Variants in FREM2 observed in about 807,000 individuals in gnomAD.
The protein encoded by FREM2 is FRAS1 related extracellular matrix 2.
A neutral mutation model predicts 219.9 loss-of-function variants in FREM2; 119 were observed. The observed-to-expected ratio is 0.54, with a 90% CI of 0.47 to 0.63. The LOEUF (loss-of-function observed/expected upper bound fraction) is 0.63. Among genes scored for constraint, FREM2 ranks in the 30% least tolerant of loss-of-function variants. The pLI is 0.00. For missense variants in FREM2, 4,030 were observed against 3,993.6 expected, an observed-to-expected ratio of 1.01 and a Z score of -0.25; for synonymous variants, 1,562 against 1,522.8, an observed-to-expected ratio of 1.03 and a Z score of -0.60.
At chr13:38,716,068 T>C (rs1296797436) in intron 2 of FREM2, among the ~76,000 whole-genome samples, 2 of 152,276 alleles carry the variant, frequency 1.3e-5, no homozygotes, top group South Asian at 2.1e-4. Context: ...TTTAAAATAG[T>C]TAAAGGGAAC....
At chr13:38,796,009 T>G (rs1043274604) in intron 6 of FREM2, among the ~76,000 whole-genome samples, 1 of 151,534 alleles carries the variant, frequency 6.6e-6, no homozygotes, top group Admixed American at 6.6e-5. Context: ...TTTCTTTCTT[T>G]CTTTCTTTTT....
rs1485235437 is a variant in FREM2, at chr13:38,885,761, A to G, written c.*4974A>G. 2.0e-5 allele frequency: 3 copies of G among 152,186 alleles called. No homozygotes were observed. The highest frequency in any genetic ancestry group is 7.2e-5 in the African/African-American group (3 of 41,458). 9.4% of individuals were successfully genotyped at this position (152,186 alleles called of 1,614,324 possible). A position where few individuals can be genotyped will look rare whatever the true frequency, so the allele number is the denominator to read the frequency against. ...TCATACTAAATAAAATGATGACAAT[A>G]TGTGCCTTGATTTTTCTCTCAATGG... On this transcript the variant is annotated 3_prime_UTR_variant, in exon 24 of 24. Transcript: ENST00000280481.
Position 38,878,157 on chromosome 13 carries a change from A to G in FREM2, c.8695A>G (p.Met2899Val), listed in dbSNP as rs770061617. ...AEGDIIYGRV[M>V]VDPVQNLGDS... Reference sequence around the variant, plus strand: ...AGGTGATATAATTTATGGTCGTGTCATGGTGGATCCTGTCCAGAATCTGGG... The same window carrying G: ...AGGTGATATAATTTATGGTCGTGTCGTGGTGGATCCTGTCCAGAATCTGGG... Residue 2899 changes from methionine to valine, a missense_variant, in exon 22 of 24, where the codon ATG (methionine) becomes GTG (valine). This residue lies in a region of FREM2 where 928 missense variants were observed against 1,042.9 expected (regional missense o/e 0.89). Transcript: ENST00000280481. The G allele has an allele frequency of 2.5e-6, 4 of 1,613,586 alleles. No individual in the cohort carries two copies. In the Admixed American group the frequency reaches 5.0e-5, roughly 20 times the overall value.
chr13:38,762,692 C>T (rs1357800070), intron 2 of FREM2, among the ~76,000 whole-genome samples: 2 of 152,116 alleles, frequency 1.3e-5, no homozygotes, highest in African/African-American at 4.8e-5. Context: ...ACCTCAGCCT[C>T]CCAAAGTGCT....
At chr13:38,829,073 T>C (rs1474303896) in intron 6 of FREM2, among the ~76,000 whole-genome samples, 1 of 152,112 alleles carries the variant, frequency 6.6e-6, no homozygotes, top group Non-Finnish European at 1.5e-5. Flanking sequence ...TCAGTCCTTA[T>C]AACAAATCCA....
chr13:38,840,682 G>T (rs1291783582), intron 6 of FREM2, among the ~76,000 whole-genome samples: 4 of 105,150 alleles, frequency 3.8e-5, no homozygotes. Flanking sequence ...ATGTATACAT[G>T]TGTGTATATA....
At chr13:38,826,637 T>G (rs1412408331) in intron 6 of FREM2, among the ~76,000 whole-genome samples, 4 of 152,144 alleles carry the variant, frequency 2.6e-5, no homozygotes, top group Non-Finnish European at 5.9e-5. Context: ...ATCACATGCT[T>G]TTATTCCTGA....
In FREM2 at chr13:38,885,423, T is replaced by C. The variant is rs1181457159; in HGVS notation, c.*4636T>C. ...CCTGGTATTTGTTTGCTTTGTGTTT[T>C]TTCAATATTTTGTTTGCTAAAGAAC... On this transcript the variant is annotated 3_prime_UTR_variant, in exon 24 of 24. Coordinates refer to ENST00000280481, the MANE Select transcript of FREM2 (RefSeq NM_207361.6). 3 of 152,202 alleles carry C rather than the reference T, an allele frequency of 2.0e-5. No homozygotes were observed. Among genetic ancestry groups the C allele is most frequent in the Admixed American group, 6.5e-5 (1 of 15,278 alleles). The allele number at this position is 152,202 out of a possible 1,614,324, so 9.4% of individuals were successfully genotyped here.
At chr13:38,745,513 T>C (rs183632616) in intron 2 of FREM2, among the ~76,000 whole-genome samples, 5 of 152,270 alleles carry the variant, frequency 3.3e-5, no homozygotes, top group Non-Finnish European at 7.4e-5. Flanking sequence ...CCTAAAAACA[T>C]CAGGTTTATT....
intron 9 of FREM2, among the ~76,000 whole-genome samples, chr13:38,850,594 A>G (rs892850181): frequency 1.1e-4 from 17 of 152,250 alleles, no homozygotes; most frequent in African/African-American, 3.9e-4. Flanking sequence ...TCAGATTAAC[A>G]ATGATCAACC....
intron 2 of FREM2, among the ~76,000 whole-genome samples, chr13:38,752,663 A>G (rs531151574): frequency 2.6e-5 from 4 of 152,278 alleles, no homozygotes; most frequent in South Asian, 2.1e-4. Flanking sequence ...TTCCCTTTCT[A>G]TATTTTTGTC....
At chr13:38,782,503 T>C (rs1049655831) in intron 4 of FREM2, among the ~76,000 whole-genome samples, 4 of 152,252 alleles carry the variant, frequency 2.6e-5, no homozygotes, top group African/African-American at 2.4e-5. Context: ...GGAACAGCTA[T>C]TTTTTAAAAT....
At chr13:38,776,981 C>T (rs899195504) in intron 4 of FREM2, among the ~76,000 whole-genome samples, 6 of 151,922 alleles carry the variant, frequency 3.9e-5, no homozygotes, top group African/African-American at 1.2e-4. Context: ...AGCAGCAGTT[C>T]CAATCCAATG....
chr13:38,870,342 T>C (rs780088145), intron 16 of FREM2, among the ~76,000 whole-genome samples: 1 of 152,218 alleles, frequency 6.6e-6, no homozygotes, highest in Non-Finnish European at 1.5e-5. Flanking sequence ...TTTTACACTT[T>C]CCTTTTAAAT....
chr13:38,719,410 G>A (rs756869723), intron 2 of FREM2, among the ~76,000 whole-genome samples: 1 of 152,074 alleles, frequency 6.6e-6, no homozygotes, highest in Non-Finnish European at 1.5e-5. Context: ...TAGTAGAGAT[G>A]GGGTTTCGCC....
chr13:38,731,406 G>T (rs973282682), intron 2 of FREM2, among the ~76,000 whole-genome samples: 5 of 152,130 alleles, frequency 3.3e-5, no homozygotes, highest in Non-Finnish European at 7.4e-5. Flanking sequence ...TGGCCAAGAA[G>T]CAAGTTTTCT....
chr13:38,689,944 C>G lies in FREM2; in HGVS notation c.2600C>G (p.Thr867Ser), dbSNP rs61995710. ...VDTDVAHISF[T>S]LTQAPKHGHM... The stretch of plus-strand genomic sequence containing the variant: ...ACTGATGTTGCCCATATCTCTTTCA[C>G]TCTCACTCAGGCACCCAAACATGGC... The change falls in exon 1 of 24, where the codon ACT (threonine) becomes AGT (serine). Residue 867 changes from threonine to serine, a missense_variant. By Grantham distance (58) the Thr-to-Ser change is moderately conservative. This residue lies in a region of FREM2 where 3,102 missense variants were observed against 2,950.7 expected (regional missense o/e 1.05). Coordinates refer to ENST00000280481, the MANE Select transcript of FREM2 (RefSeq NM_207361.6). The G allele has an allele frequency of 1.9e-6, 3 of 1,614,170 alleles. No homozygotes were observed. The highest frequency in any genetic ancestry group is 1.7e-5 in the Admixed American group (1 of 60,020).
intron 6 of FREM2, among the ~76,000 whole-genome samples, chr13:38,788,335 T>G (rs1368140123): frequency 6.6e-6 from 1 of 152,146 alleles, no homozygotes; most frequent in Non-Finnish European, 1.5e-5. Flanking sequence ...CAGTTTAGTA[T>G]TCCATTGAAT....
chr13:38,739,141 A>G (rs536462631), intron 2 of FREM2, among the ~76,000 whole-genome samples: 4 of 152,326 alleles, frequency 2.6e-5, no homozygotes, highest in East Asian at 3.9e-4. Context: ...AGAAACAGAA[A>G]TGGTAGAGTA....
Sources: allele counts gnomAD v4.1 joint callset (sites outside exome capture counted in the v4.1 genomes callset), GRCh38; gene constraint gnomAD v4.1.1; regional missense constraint gnomAD v4.1.1; transcripts MANE v1.5; gene names NCBI Gene and HGNC (gene_info 2026-07-23, HGNC 2026-07-21).